The following NELFCD variants were observed in gnomAD, a reference collection of about 807,000 sequenced individuals.
The protein encoded by NELFCD is negative elongation factor complex member C/D, also known as negative elongation factor C/D.
In NELFCD, 48 loss-of-function variants were observed where a neutral mutation model predicts 72.9. That is an observed-to-expected ratio of 0.66 (90% CI 0.52 to 0.84). The LOEUF (loss-of-function observed/expected upper bound fraction) is 0.84. NELFCD is among the 40% of genes least tolerant of loss of function. The pLI is 0.00. For synonymous variants in NELFCD, 297 were observed against 280.6 expected, an observed-to-expected ratio of 1.06 and a Z score of -0.59; for missense variants, 538 against 723.8, an observed-to-expected ratio of 0.74 and a Z score of 2.94.
At chr20:58,989,236 G>A in intron 5 of NELFCD, 1 of 619,120 alleles carries the variant, frequency 1.6e-6, no homozygotes, top group Middle Eastern at 4.1e-4. Flanking sequence ...AGGGATACAA[G>A]AATTCTCTTG....
In NELFCD at chr20:58,993,964, G is replaced by A; in HGVS notation, c.1582-146G>A. The A allele has an allele frequency of 8.0e-6, 9 of 1,129,154 alleles. No homozygotes were observed. Among genetic ancestry groups the A allele is most frequent in the Non-Finnish European group, 1.2e-5 (9 of 778,824 alleles). The allele number at this position is 1,129,154 out of a possible 1,614,324, so 69.9% of individuals were successfully genotyped here. A position where few individuals can be genotyped will look rare whatever the true frequency, so the allele number is the denominator to read the frequency against. On this transcript the variant is annotated intron_variant, in intron 13 of 14. Coordinates refer to ENST00000652272, the MANE Select transcript of NELFCD (RefSeq NM_198976.4). This position sits in a 1 kb window ranked among gnomAD's most constrained non-coding sequence, Gnocchi z 5.0. ...ACACTTTACCTCCATTACCACCCTG[G>A]GCATCTGAATGTTGGAGATGGGTGG... is the stretch of plus-strand genomic sequence containing the variant.
chr20:58,982,878 C>T (rs2091745929), intron 1 of NELFCD, among the ~76,000 whole-genome samples: 1 of 152,140 alleles, frequency 6.6e-6, no homozygotes, highest in South Asian at 2.1e-4. Flanking sequence ...TGCGTTATCC[C>T]CTTCCACACA....
In NELFCD at chr20:58,994,200, A is replaced by G; in HGVS notation, c.1672A>G (p.Lys558Glu). The G allele has an allele frequency of 6.2e-7, 1 of 1,614,174 alleles. No individual in the cohort carries two copies. The highest frequency in any genetic ancestry group is 8.5e-7 in the Non-Finnish European group (1 of 1,180,010). The change falls in exon 14 of 15, where the codon AAA (lysine) becomes GAA (glutamate). Residue 558 changes from lysine (K) to glutamate (E), a missense_variant. Physicochemically the swap from Lys to Glu is moderately conservative, Grantham distance 56. Transcript: ENST00000652272. The part of the protein sequence containing the change: ...LENDSIAGTI[K>E]TEGEHDPVTE... The stretch of plus-strand genomic sequence containing the variant: ...GAATGACAGCATCGCAGGTACCATC[A>G]AAACGGAAGGCGAGCATGACCCTGT...
intron 5 of NELFCD, 46 bp downstream of exon 5, chr20:58,989,067 T>C: frequency 1.4e-6 from 2 of 1,408,492 alleles, no homozygotes; most frequent in Non-Finnish European, 2.0e-6. Flanking sequence ...TATGAATGTT[T>C]ATTTTTGGTT....
At chr20:58,990,256 C>T (rs1479279437) in intron 7 of NELFCD, 19 of 391,902 alleles carry the variant, frequency 4.8e-5, no homozygotes, top group Middle Eastern at 7.8e-4. Context: ...CAAAATTAGC[C>T]GGGTGTGGCG....
chr20:58,988,751 C>G (rs1289878570), intron 4 of NELFCD, among the ~76,000 whole-genome samples, 163 bp from the exon 5 acceptor site: 1 of 152,020 alleles, frequency 6.6e-6, no homozygotes, highest in Non-Finnish European at 1.5e-5. Context: ...GTCACTCAGC[C>G]GACTGTGTGG....
intron 1 of NELFCD, among the ~76,000 whole-genome samples, chr20:58,982,882 CCA>C (rs1163618236): frequency 3.3e-5 from 5 of 152,142 alleles, no homozygotes; most frequent in African/African-American, 1.2e-4. Context: ...TTATCCCCTT[CCA>C]CACACAGGAT....
chr20:58,991,242 C>A (rs2091814442), intron 8 of NELFCD, 70 bp from the exon 9 acceptor site: 7 of 1,603,566 alleles, frequency 4.4e-6, no homozygotes, highest in South Asian at 2.2e-5. Flanking sequence ...GTGTAGGGAA[C>A]CCTGAGGGGA....
Position 58,994,799 on chromosome 20 carries a change from G to A in NELFCD, c.*123G>A, listed in dbSNP as rs2091847596. The stretch of plus-strand genomic sequence containing the variant: ...AAAATGGGCACCGCTGGGAGGAGGT[G>A]GATGACTTCTTTACAAAGGAAAATG... On this transcript the variant is annotated 3_prime_UTR_variant, in exon 15 of 15. Transcript: ENST00000652272. The A allele has an allele frequency of 1.3e-6, 1 of 776,590 alleles. No homozygotes were observed. The highest frequency in any genetic ancestry group is 2.2e-6 in the Non-Finnish European group (1 of 447,778). 48.1% of individuals were successfully genotyped at this position (776,590 alleles called of 1,614,324 possible). A position where few individuals can be genotyped will look rare whatever the true frequency, so the allele number is the denominator to read the frequency against.
intron 13 of NELFCD, 79 bp from the exon 14 acceptor site, chr20:58,994,031 T>C (rs1601219617): frequency 2.6e-6 from 4 of 1,549,268 alleles, no homozygotes; most frequent in Admixed American, 3.5e-5. Context: ...TTTTCCAAAC[T>C]GATGGCCATT....
In NELFCD at chr20:58,981,268, C is replaced by T. The variant is rs747079695; in HGVS notation, c.-42C>T. On this transcript the variant is annotated 5_prime_UTR_variant, in exon 1 of 15. Transcript: ENST00000652272. ...CCCCGCCTCGCGCATGCGCCGCGCT[C>T]GCTCGCGGGAGGGCATGGCGGGGGC... is the stretch of plus-strand genomic sequence containing the variant. 1.9e-6 allele frequency: 2 copies of T among 1,046,762 alleles called. No homozygotes were observed. Among genetic ancestry groups the T allele is most frequent in the East Asian group, 7.5e-5 (1 of 13,336 alleles). The allele number at this position is 1,046,762 out of a possible 1,614,324, so 64.8% of individuals were successfully genotyped here.
rs149810289 is a variant in NELFCD at position 58,982,860 on chromosome 20, G to A, written c.60+1491G>A. On this transcript the variant is annotated intron_variant, in intron 1 of 14. Coordinates refer to ENST00000652272, the MANE Select transcript of NELFCD (RefSeq NM_198976.4). ...TTAGCTAACTGAGAGCTTGGGCCAT[G>A]TGTGTCATGCGTTATCCCCTTCCAC... Among the ~76,000 whole-genome samples, 857 of 152,308 alleles carry A rather than the reference G, an allele frequency of 5.6e-3. 8 individuals are homozygous for A. The highest frequency in any genetic ancestry group is 0.02 in the African/African-American group (823 of 41,544).
Position 58,990,315 on chromosome 20 carries a change from G to A in NELFCD, c.788+327G>A, listed in dbSNP as rs1404616604. 7 of 263,740 alleles carry A rather than the reference G, an allele frequency of 2.7e-5. 1 individual carries two copies. Among genetic ancestry groups the A allele is most frequent in the South Asian group, 1.1e-4 (2 of 17,906 alleles). 16.3% of individuals were successfully genotyped at this position (263,740 alleles called of 1,614,324 possible). On this transcript the variant is annotated intron_variant, in intron 7 of 14. Transcript: ENST00000652272. The stretch of plus-strand genomic sequence containing the variant: ...CTTGGGAGGCTGAGGCAGGAGAATC[G>A]CTTGAACCTGGGAGGTGGAGGTTGT...
Position 58,981,281 on chromosome 20 carries a change from G to C in NELFCD, c.-29G>C, listed in dbSNP as rs1467980966. ...ATGCGCCGCGCTCGCTCGCGGGAGG[G>C]CATGGCGGGGGCCGTGCCGGGCGCC... On this transcript the variant is annotated 5_prime_UTR_variant, in exon 1 of 15. Transcript: ENST00000652272. The C allele has an allele frequency of 1.9e-6, 2 of 1,070,458 alleles. No individual in the cohort carries two copies. Among genetic ancestry groups the C allele is most frequent in the East Asian group, 6.5e-5 (1 of 15,328 alleles). 66.3% of individuals were successfully genotyped at this position (1,070,458 alleles called of 1,614,324 possible).
intron 4 of NELFCD, 189 bp downstream of exon 4, chr20:58,988,006 C>T (rs6070684): frequency 0.17 from 98,005 of 584,448 alleles, 8,577 homozygotes; most frequent in Middle Eastern, 0.19. Flanking sequence ...GACATGCTTG[C>T]ACGCAAGAGG....
At chr20:58,982,100 C>T (rs1033868191) in intron 1 of NELFCD, among the ~76,000 whole-genome samples, 18 of 147,336 alleles carry the variant, frequency 1.2e-4, no homozygotes, top group Non-Finnish European at 2.7e-4. Context: ...CCCCTGGAGA[C>T]GGCCCAACAG....
chr20:58,994,107 C>A lies in NELFCD; in HGVS notation c.1582-3C>A, dbSNP rs779505499. The A allele has an allele frequency of 1.2e-6, 2 of 1,613,928 alleles. No individual in the cohort carries two copies. Among genetic ancestry groups the A allele is most frequent in the East Asian group, 4.5e-5 (2 of 44,888 alleles). On this transcript the variant is annotated splice_region_variant and splice_polypyrimidine_tract_variant and intron_variant, in intron 13 of 14. Transcript: ENST00000652272. ...AGAAGTCACCCTGTGCTCCCCCACG[C>A]AGGTGCTGGACGTCATTGCTCCTCC...
rs368757097 is a variant in NELFCD, at chr20:58,994,154, A to G, written c.1626A>G (p.Gln542=). The G allele has an allele frequency of 3.2e-5, 52 of 1,614,036 alleles. No homozygotes were observed. The highest frequency in any genetic ancestry group is 2.7e-4 in the South Asian group (25 of 91,080). Residue 542 remains glutamine, a synonymous_variant, in exon 14 of 15, where the codon CAA becomes CAG. Coordinates refer to ENST00000652272, the MANE Select transcript of NELFCD (RefSeq NM_198976.4). ...IAPPYTSDFV[Q]LFLPILENDS... is the part of the protein sequence containing the mutation. ...CTCCTTATACCTCTGACTTCGTGCA[A>G]CTTTTCCTCCCCATCCTGGAGAATG...
intron 10 of NELFCD, among the ~76,000 whole-genome samples, chr20:58,992,423 G>A (rs2091823975): frequency 6.6e-6 from 1 of 152,186 alleles, no homozygotes; most frequent in Non-Finnish European, 1.5e-5. Flanking sequence ...TTATACTAGG[G>A]ATGAAGAAAG....
Sources: allele counts gnomAD v4.1 joint callset (sites outside exome capture counted in the v4.1 genomes callset), GRCh38; gene constraint gnomAD v4.1.1; non-coding constraint Gnocchi (gnomAD v3.1); transcripts MANE v1.5; gene names NCBI Gene and HGNC (gene_info 2026-07-23, HGNC 2026-07-21).